Variants in SARS1 observed in about 807,000 individuals in gnomAD.
SARS1 encodes seryl-tRNA synthetase 1.
SARS1 carries 25 observed loss-of-function variants against 63.7 expected under a neutral mutation model. The ratio of observed to expected loss-of-function variants is 0.39; its 90% confidence interval spans 0.29 to 0.55. The LOEUF is 0.55. Ranked by LOEUF, SARS1 falls within the 20% of genes least tolerant of loss-of-function variation. The probability of loss-of-function intolerance (pLI) is 0.62; values close to 1 mark genes in which losing one functional copy is unlikely to be tolerated. For synonymous variants in SARS1, 231 were observed against 243.5 expected (o/e 0.95, Z 0.48); for missense variants, 417 against 649.7 (o/e 0.64, Z 3.89).
chr1:109,222,381 A>G (rs181571806), intron 1 of SARS1, among the ~76,000 whole-genome samples: 1 of 145,910 alleles, frequency 6.9e-6, no homozygotes, highest in African/African-American at 2.5e-5. Flanking sequence ...TTTTGCACAC[A>G]TGTGTGTGTG....
At chr1:109,221,350 C>T (rs1023820916) in intron 1 of SARS1, among the ~76,000 whole-genome samples, 30 of 152,224 alleles carry the variant, frequency 2.0e-4, no homozygotes, top group African/African-American at 5.5e-4. Context: ...TGAGCCACTG[C>T]GTCCGGCCAC....
intron 4 of SARS1, 43 bp from the exon 5 acceptor site, chr1:109,230,835 A>G: frequency 6.6e-7 from 1 of 1,526,210 alleles, no homozygotes; most frequent in South Asian, 1.3e-5. Flanking sequence ...AAAATAATAA[A>G]ATCATATGTC....
At position 109,234,948 on chromosome 1, in the gene SARS1, A is replaced by G. The variant is rs535731628; in HGVS notation, c.748-262A>G. Among the ~76,000 whole-genome samples the G allele has an allele frequency of 6.6e-5, 10 of 152,322 alleles. No individual in the cohort carries two copies. In the East Asian group the frequency reaches 1.9e-3, roughly 29 times the overall value. On this transcript the variant is annotated intron_variant, in intron 6 of 10. Coordinates refer to ENST00000234677, the MANE Select transcript of SARS1 (RefSeq NM_006513.4). ...GCCACTGCACTCCAGTCTGGGCAGC[A>G]GAGTGAGGCTCTGTCTCAAAAGCAA...
Position 109,237,008 on chromosome 1 carries a change from AC to A in SARS1, c.1258-234del. 1 of 1,305,432 alleles carries A rather than the reference AC, an allele frequency of 7.7e-7. No individual in the cohort carries two copies. The highest frequency in any genetic ancestry group is 1.0e-6 in the Non-Finnish European group (1 of 970,130). 80.9% of individuals were successfully genotyped at this position (1,305,432 alleles called of 1,614,324 possible). The stretch of plus-strand genomic sequence containing the variant: ...CCTCAAAGGGCCCAACTCTCAGAAT[AC>A]CAGAAGCTACCACTTGTCACTCATC... On this transcript the variant is annotated intron_variant, in intron 9 of 10. Coordinates refer to ENST00000234677, the MANE Select transcript of SARS1 (RefSeq NM_006513.4). This position sits in a 1 kb window ranked among gnomAD's most constrained non-coding sequence, Gnocchi z 4.1.
Position 109,237,017 on chromosome 1 carries a change from T to C in SARS1, c.1258-227T>C. On this transcript the variant is annotated intron_variant, in intron 9 of 10. Transcript: ENST00000234677. This position sits in a 1 kb window ranked among gnomAD's most constrained non-coding sequence, Gnocchi z 4.1. ...GCCCAACTCTCAGAATACCAGAAGC[T>C]ACCACTTGTCACTCATCGAAACATG... The C allele has an allele frequency of 3.1e-6, 4 of 1,294,368 alleles. No individual in the cohort carries two copies. Among genetic ancestry groups the C allele is most frequent in the Non-Finnish European group, 4.2e-6 (4 of 959,848 alleles). The allele number at this position is 1,294,368 out of a possible 1,614,324, so 80.2% of individuals were successfully genotyped here.
chr1:109,215,055 C>T lies in SARS1; in HGVS notation c.136+927C>T, dbSNP rs544283010. 61 of 985,472 alleles carry T rather than the reference C, an allele frequency of 6.2e-5. 1 individual carries two copies. The African/African-American group carries it at 1.0e-3, about 17-fold the overall frequency. 61.0% of individuals were successfully genotyped at this position (985,472 alleles called of 1,614,324 possible). On this transcript the variant is annotated intron_variant, in intron 1 of 10. Transcript: ENST00000234677. Reference sequence around the variant, plus strand: ...GGTCGATGACAGTACACTGCAAAGGCAGCCACTATCCAAGAGTGTGATGGA... The same window carrying T: ...GGTCGATGACAGTACACTGCAAAGGTAGCCACTATCCAAGAGTGTGATGGA...
intron 2 of SARS1, among the ~76,000 whole-genome samples, chr1:109,227,149 C>T (rs553458610): frequency 5.9e-5 from 9 of 151,804 alleles, no homozygotes; most frequent in Admixed American, 3.3e-4. Context: ...TGTCTGCTAC[C>T]GCGCCTGCCT....
chr1:109,215,570 A>G (rs942777596), intron 1 of SARS1: 1 of 985,312 alleles, frequency 1.0e-6, no homozygotes, highest in Non-Finnish European at 1.2e-6. Context: ...TAAGGCCTTG[A>G]TAAAGGTTTG....
At chr1:109,226,701 C>T (rs56177214) in intron 2 of SARS1, among the ~76,000 whole-genome samples, 25,494 of 67,974 alleles carry the variant, frequency 0.38, 5,038 homozygotes, top group East Asian at 0.49. Flanking sequence ...TATATATACA[C>T]ACACACACAC....
Position 109,214,232 on chromosome 1 carries a change from C to A in SARS1, c.136+104C>A. 1.8e-5 allele frequency: 25 copies of A among 1,377,384 alleles called. No individual in the cohort carries two copies. Among genetic ancestry groups the A allele is most frequent in the Non-Finnish European group, 2.4e-5 (24 of 1,015,426 alleles). The allele number at this position is 1,377,384 out of a possible 1,614,324, so 85.3% of individuals were successfully genotyped here. ...GCCACAGCTTCCACCCTTCGTCAGA[C>A]CCCCTCCCAGGGTGCGGTGGCTCCG... On this transcript the variant is annotated intron_variant, in intron 1 of 10. Coordinates refer to ENST00000234677, the MANE Select transcript of SARS1 (RefSeq NM_006513.4). The surrounding 1 kb of genome is among the most constrained non-coding windows in gnomAD (Gnocchi z 4.6).
chr1:109,224,535 T>A (rs1018956240), intron 2 of SARS1, among the ~76,000 whole-genome samples: 8 of 152,126 alleles, frequency 5.3e-5, no homozygotes, highest in Non-Finnish European at 4.4e-5. Context: ...TTTTTTTTTT[T>A]AATTTAAACG....
intron 2 of SARS1, among the ~76,000 whole-genome samples, chr1:109,226,310 G>C (rs1655067943): frequency 6.6e-6 from 1 of 151,068 alleles, no homozygotes; most frequent in Non-Finnish European, 1.5e-5. Flanking sequence ...TGAACCTAAA[G>C]GATTTCCATG....
intron 4 of SARS1, among the ~76,000 whole-genome samples, 161 bp from the exon 5 acceptor site, chr1:109,230,717 A>C (rs952447435): frequency 6.6e-6 from 1 of 152,042 alleles, no homozygotes; most frequent in African/African-American, 2.4e-5. Flanking sequence ...AGGTGGGAGG[A>C]TCACTGGAGC....
At chr1:109,218,979 C>T (rs1248313440) in intron 1 of SARS1, among the ~76,000 whole-genome samples, 2 of 151,742 alleles carry the variant, frequency 1.3e-5, no homozygotes, top group Non-Finnish European at 2.9e-5. Context: ...AAATATAAGA[C>T]ATTTAGGCCG....
intron 1 of SARS1, chr1:109,217,005 G>A: frequency 1.0e-6 from 1 of 985,380 alleles, no homozygotes; most frequent in Non-Finnish European, 1.2e-6. Flanking sequence ...AACTGGAATA[G>A]CTTTCTATCT....
rs1232719487 is a variant in SARS1, at chr1:109,237,285, T to C, written c.1299T>C (p.Thr433=). The C allele has an allele frequency of 1.2e-6, 2 of 1,614,000 alleles. No individual in the cohort carries two copies. The highest frequency in any genetic ancestry group is 1.7e-5 in the Admixed American group (1 of 59,990). Residue 433 remains threonine, a synonymous_variant, in exon 10 of 11, where the codon ACT becomes ACC. Coordinates refer to ENST00000234677, the MANE Select transcript of SARS1 (RefSeq NM_006513.4). The surrounding 1 kb of genome is among the most constrained non-coding windows in gnomAD (Gnocchi z 4.1). ...VHMLNATMCA[T]TRTICAILEN... ...TGCTCAATGCTACCATGTGCGCCAC[T>C]ACCCGTACCATCTGCGCCATCCTGG...
chr1:109,226,742 ATTTATT>A (rs1557717044), intron 2 of SARS1, among the ~76,000 whole-genome samples: 1 of 65,526 alleles, frequency 1.5e-5, no homozygotes, highest in African/African-American at 4.6e-5. Context: ...ATATATATTT[ATTTATT>A]TATTTATTTA....
intron 9 of SARS1, chr1:109,236,834 G>A (rs1230001851): frequency 6.2e-7 from 1 of 1,602,678 alleles, no homozygotes; most frequent in Non-Finnish European, 8.5e-7. Flanking sequence ...TATCTACACA[G>A]AACAAGTTGG....
In SARS1 at chr1:109,223,971, T is replaced by C. The variant is rs776806960; in HGVS notation, c.137-7T>C. 1 of 1,605,252 alleles carries C rather than the reference T, an allele frequency of 6.2e-7. No homozygotes were observed. The highest frequency in any genetic ancestry group is 1.3e-5 in the African/African-American group (1 of 74,844). On this transcript the variant is annotated splice_polypyrimidine_tract_variant and splice_region_variant and intron_variant, in intron 1 of 10. Transcript: ENST00000234677. Reference sequence around the variant, plus strand: ...CTTTGGTATAGTCTTGGATTCTTTATTCCTAGGTAGATTTCGGGCAGACAA... The same window carrying C: ...CTTTGGTATAGTCTTGGATTCTTTACTCCTAGGTAGATTTCGGGCAGACAA...
Sources: allele counts gnomAD v4.1 joint callset (sites outside exome capture counted in the v4.1 genomes callset), GRCh38; gene constraint gnomAD v4.1.1; non-coding constraint Gnocchi (gnomAD v3.1); transcripts MANE v1.5; gene names NCBI Gene and HGNC (gene_info 2026-07-23, HGNC 2026-07-21).